The following PDZRN4 variants were observed in gnomAD, a reference collection of about 807,000 sequenced individuals.
The protein encoded by PDZRN4 is PDZ domain containing ring finger 4.
A neutral mutation model predicts 99.0 loss-of-function variants in PDZRN4; 70 were observed. The ratio of observed to expected loss-of-function variants is 0.71; its 90% CI spans 0.58 to 0.86. The LOEUF (loss-of-function observed/expected upper bound fraction) is 0.86, where lower values mean the gene tolerates loss of function less well. PDZRN4 is among the 40% of genes least tolerant of loss of function. The probability of loss-of-function intolerance (pLI) is 0.00; values close to 1 mark genes in which losing one functional copy is unlikely to be tolerated. For synonymous variants in PDZRN4, 551 were observed against 501.6 expected (o/e 1.10, Z -1.32); for missense variants, 1,474 against 1,331.2 (o/e 1.11, Z -1.67).
At chr12:41,564,070 C>T (rs1939319563) in intron 8 of PDZRN4, among the ~76,000 whole-genome samples, 1 of 151,790 alleles carries the variant, frequency 6.6e-6, no homozygotes, top group African/African-American at 2.4e-5. Context: ...TGGATCCTTG[C>T]TTTAAGTTTC....
chr12:41,320,681 C>T (rs538354372), intron 3 of PDZRN4, among the ~76,000 whole-genome samples: 29 of 149,200 alleles, frequency 1.9e-4, no homozygotes, highest in African/African-American at 6.3e-4. Flanking sequence ...TGACTCAGTA[C>T]GGTTTTAAAA....
chr12:41,396,413 T>C (rs1952246462), intron 3 of PDZRN4, among the ~76,000 whole-genome samples: 1 of 152,186 alleles, frequency 6.6e-6, no homozygotes, highest in Non-Finnish European at 1.5e-5. Context: ...GTTGTTGTTG[T>C]TGTTGTTGTT....
intron 3 of PDZRN4, among the ~76,000 whole-genome samples, chr12:41,410,657 G>T (rs369892393): frequency 1.6e-3 from 248 of 152,282 alleles, no homozygotes; most frequent in African/African-American, 4.6e-3. Context: ...GCATTGAAAA[G>T]AATGATTTAA....
chr12:41,570,455 C>A (rs1470844317), intron 9 of PDZRN4, among the ~76,000 whole-genome samples: 2 of 152,052 alleles, frequency 1.3e-5, no homozygotes, highest in Non-Finnish European at 1.5e-5. Flanking sequence ...AATAAAATAC[C>A]TACCCATATG....
intron 3 of PDZRN4, among the ~76,000 whole-genome samples, chr12:41,418,622 G>A (rs758020828): frequency 3.3e-5 from 5 of 152,186 alleles, no homozygotes; most frequent in Admixed American, 6.5e-5. Context: ...ATCTGTGAGA[G>A]TCACTACATT....
At chr12:41,534,076 A>G (rs1938708936) in intron 5 of PDZRN4, among the ~76,000 whole-genome samples, 1 of 152,192 alleles carries the variant, frequency 6.6e-6, no homozygotes, top group African/African-American at 2.4e-5. Flanking sequence ...GAACACTTAA[A>G]TTGTATCCAC....
At chr12:41,199,551 G>A (rs1311486030) in intron 3 of PDZRN4, among the ~76,000 whole-genome samples, 1 of 152,102 alleles carries the variant, frequency 6.6e-6, no homozygotes, top group African/African-American at 2.4e-5. Flanking sequence ...AAAGACACCT[G>A]CAGTTGTATG....
chr12:41,194,048 A>C, intron 2 of PDZRN4, 33 bp from the exon 3 acceptor site: 1 of 1,001,454 alleles, frequency 1.0e-6, no homozygotes, highest in Non-Finnish European at 1.6e-6. Flanking sequence ...TTTTGCTTAC[A>C]TCTTTCTTCT....
At chr12:41,237,815 C>T (rs1451351909) in intron 3 of PDZRN4, among the ~76,000 whole-genome samples, 1 of 152,006 alleles carries the variant, frequency 6.6e-6, no homozygotes, top group East Asian at 1.9e-4. Context: ...CTATTCTGTT[C>T]CATTTGTCTA....
chr12:41,355,431 G>A (rs1338449135), intron 3 of PDZRN4, among the ~76,000 whole-genome samples: 1 of 151,938 alleles, frequency 6.6e-6, no homozygotes, highest in East Asian at 1.9e-4. Flanking sequence ...TCTGACAACA[G>A]CAAATTAGGC....
chr12:41,550,040 T>G (rs780048077), intron 5 of PDZRN4, among the ~76,000 whole-genome samples: 2 of 152,208 alleles, frequency 1.3e-5, no homozygotes, highest in Non-Finnish European at 2.9e-5. Flanking sequence ...CTGAGATACT[T>G]GGGTAAGTGC....
chr12:41,195,177 T>C lies in PDZRN4; in HGVS notation c.843+989T>C, dbSNP rs191609457. 2.5e-4 allele frequency among the ~76,000 whole-genome samples: 38 copies of C among 152,298 alleles called. No individual in the cohort carries two copies. In the East Asian group the frequency reaches 6.9e-3, roughly 28 times the overall value. On this transcript the variant is annotated intron_variant, in intron 3 of 9. Coordinates refer to ENST00000402685, the MANE Select transcript of PDZRN4 (RefSeq NM_001164595.2). ...ATCTGCCATCTCTGTCCTTTTGACA[T>C]TTTATTAACTGGTTAAGATAATATT...
At chr12:41,526,775 T>C (rs1188727634) in intron 5 of PDZRN4, among the ~76,000 whole-genome samples, 1 of 152,208 alleles carries the variant, frequency 6.6e-6, no homozygotes, top group African/African-American at 2.4e-5. Context: ...CAGATCATGG[T>C]ATTCCCATAA....
chr12:41,220,529 G>C (rs1031607088), intron 3 of PDZRN4, among the ~76,000 whole-genome samples: 1 of 152,140 alleles, frequency 6.6e-6, no homozygotes, highest in African/African-American at 2.4e-5. Flanking sequence ...CTTAGAGGAA[G>C]GACCTGCCAT....
At chr12:41,527,902 G>A (rs1019641038) in intron 5 of PDZRN4, among the ~76,000 whole-genome samples, 2 of 152,180 alleles carry the variant, frequency 1.3e-5, no homozygotes, top group East Asian at 1.9e-4. Context: ...AAAACACATT[G>A]AGGCTATGCC....
In PDZRN4 at chr12:41,573,970, G is replaced by T; in HGVS notation, c.*80G>T. ...AGAGTATGATTGCCTCGTTCAATGT[G>T]GCGTTTTTATATATATTTTGTGACT... On this transcript the variant is annotated 3_prime_UTR_variant, in exon 10 of 10. Coordinates refer to ENST00000402685, the MANE Select transcript of PDZRN4 (RefSeq NM_001164595.2). The T allele has an allele frequency of 2.0e-6, 2 of 997,732 alleles. No homozygotes were observed. Among genetic ancestry groups the T allele is most frequent in the Non-Finnish European group, 1.4e-6 (1 of 699,896 alleles). The allele number at this position is 997,732 out of a possible 1,614,324, so 61.8% of individuals were successfully genotyped here. A position where few individuals can be genotyped will look rare whatever the true frequency, so the allele number is the denominator to read the frequency against.
chr12:41,399,146 T>A (rs1952272077), intron 3 of PDZRN4, among the ~76,000 whole-genome samples: 1 of 152,082 alleles, frequency 6.6e-6, no homozygotes, highest in Admixed American at 6.6e-5. Flanking sequence ...TCAAAAACAC[T>A]AACTTGATTC....
chr12:41,356,377 G>A (rs1322759155), intron 3 of PDZRN4, among the ~76,000 whole-genome samples: 1 of 151,936 alleles, frequency 6.6e-6, no homozygotes, highest in African/African-American at 2.4e-5. Flanking sequence ...AACATTGGTA[G>A]GAGGAAGTGA....
At chr12:41,427,412 G>A (rs553033079) in intron 3 of PDZRN4, among the ~76,000 whole-genome samples, 1 of 152,224 alleles carries the variant, frequency 6.6e-6, no homozygotes, top group Non-Finnish European at 1.5e-5. Flanking sequence ...TTTGTGGTAG[G>A]TACTATGAAT....
Sources: gnomAD v4.1 joint callset for allele counts (sites outside exome capture counted in the v4.1 genomes callset) on GRCh38, gnomAD v4.1.1 for gene constraint, MANE v1.5 for transcripts, NCBI Gene and HGNC (gene_info 2026-07-23, HGNC 2026-07-21) for gene names.